LRRC4C: variants seen among roughly 807,000 people sequenced by gnomAD.
The protein encoded by LRRC4C is leucine rich repeat containing 4C.
Under a neutral mutation model 33.6 loss-of-function variants are expected in LRRC4C, and 5 were observed. That is an observed-to-expected ratio of 0.15 (90% CI 0.08 to 0.31). The LOEUF is 0.31. LRRC4C is among the 10% of genes least tolerant of loss of function. The pLI is 1.00. For synonymous variants in LRRC4C, 329 were observed against 302.0 expected (o/e 1.09, Z -0.93); for missense variants, 560 against 796.7 (o/e 0.70, Z 3.58).
intron 1 of LRRC4C, among the ~76,000 whole-genome samples, chr11:41,015,786 T>A (rs1481041611): frequency 6.6e-6 from 1 of 152,162 alleles, no homozygotes; most frequent in Non-Finnish European, 1.5e-5. Flanking sequence ...GCTCAGAAAC[T>A]TTCTTGTTTG....
intron 1 of LRRC4C, among the ~76,000 whole-genome samples, chr11:41,453,172 A>G (rs1271794634): frequency 3.9e-5 from 6 of 152,192 alleles, no homozygotes; most frequent in Non-Finnish European, 8.8e-5. Context: ...TTAGTGTTAC[A>G]GAGAAGACTT....
chr11:40,471,765 A>C (rs948353085), intron 3 of LRRC4C, among the ~76,000 whole-genome samples: 1 of 152,118 alleles, frequency 6.6e-6, no homozygotes, highest in African/African-American at 2.4e-5. Context: ...TAAGACAGAA[A>C]ATTAACAAGG....
chr11:40,913,443 G>C (rs1956789699), intron 2 of LRRC4C, among the ~76,000 whole-genome samples: 1 of 152,114 alleles, frequency 6.6e-6, no homozygotes. Context: ...ACTCCTGAAT[G>C]ACTACTGGGT....
intron 5 of LRRC4C, among the ~76,000 whole-genome samples, chr11:40,171,231 T>G (rs952315163): frequency 1.3e-5 from 2 of 152,228 alleles, no homozygotes; most frequent in Non-Finnish European, 2.9e-5. Context: ...CAATCAAACT[T>G]GGTAAGAAAC....
intron 5 of LRRC4C, among the ~76,000 whole-genome samples, chr11:40,186,357 A>T (rs1200215237): frequency 6.6e-6 from 1 of 152,116 alleles, no homozygotes; most frequent in African/African-American, 2.4e-5. Context: ...CCCAGCAAGG[A>T]TGCCAGGAAG....
At chr11:40,168,138 G>T (rs1277084629) in intron 5 of LRRC4C, among the ~76,000 whole-genome samples, 1 of 152,148 alleles carries the variant, frequency 6.6e-6, no homozygotes, top group Non-Finnish European at 1.5e-5. Context: ...ACCAAAGAGG[G>T]AACATAATTG....
intron 2 of LRRC4C, among the ~76,000 whole-genome samples, chr11:40,742,547 C>A (rs959283657): frequency 6.6e-6 from 1 of 151,850 alleles, no homozygotes; most frequent in Non-Finnish European, 1.5e-5. Flanking sequence ...AGATGGCATT[C>A]CTAATAGATT....
At chr11:40,211,561 T>G (rs2135829090) in intron 5 of LRRC4C, among the ~76,000 whole-genome samples, 1 of 152,280 alleles carries the variant, frequency 6.6e-6, no homozygotes, top group East Asian at 1.9e-4. Context: ...AATTTTAAAT[T>G]TGCTCATTGT....
chr11:40,170,989 G>T (rs900824253), intron 5 of LRRC4C, among the ~76,000 whole-genome samples: 7 of 152,262 alleles, frequency 4.6e-5, no homozygotes, highest in Admixed American at 4.6e-4. Flanking sequence ...GTAGATCAAG[G>T]CTCCCTTTAT....
At chr11:41,377,897 A>G (rs926899677) in intron 1 of LRRC4C, among the ~76,000 whole-genome samples, 2 of 152,190 alleles carry the variant, frequency 1.3e-5, no homozygotes, top group Non-Finnish European at 2.9e-5. Context: ...TAGAAAAGGC[A>G]AAGCTGGATG....
intron 3 of LRRC4C, among the ~76,000 whole-genome samples, chr11:40,432,475 G>A (rs910613128): frequency 2.6e-5 from 4 of 152,126 alleles, no homozygotes; most frequent in East Asian, 1.9e-4. Context: ...GGTTCTTAAC[G>A]TATTGCTAAA....
Position 41,059,210 on chromosome 11 carries a change from G to GTTTTTTTT in LRRC4C, c.-495-125495_-495-125488dup, listed in dbSNP as rs397935483. ...ATATACTCCTGATACTAAAATAAAA[G>GTTTTTTTT]TTTTTTTTTTTTTTTAAGAAAAAGA... is the stretch of plus-strand genomic sequence containing the variant. On this transcript the variant is annotated intron_variant, in intron 1 of 6. Coordinates refer to ENST00000528697, the MANE Select transcript of LRRC4C (RefSeq NM_001258419.2). 1.2e-3 allele frequency among the ~76,000 whole-genome samples: 145 copies of GTTTTTTTT among 124,992 alleles called. 3 individuals carry two copies. The highest frequency in any genetic ancestry group is 1.6e-3 in the Admixed American group (18 of 11,200). The allele number at this position is 124,992 out of a possible 152,430, so 82.0% of individuals were successfully genotyped here.
At chr11:40,167,649 G>A (rs1554962969) in intron 5 of LRRC4C, among the ~76,000 whole-genome samples, 1 of 152,040 alleles carries the variant, frequency 6.6e-6, no homozygotes, top group Non-Finnish European at 1.5e-5. Context: ...TAAATACAGG[G>A]GTGAGCAAAG....
intron 1 of LRRC4C, among the ~76,000 whole-genome samples, chr11:41,174,664 G>A (rs1945119698): frequency 6.6e-6 from 1 of 151,824 alleles, no homozygotes; most frequent in South Asian, 2.1e-4. Flanking sequence ...ACTGCATTTT[G>A]AACACACACA....
intron 1 of LRRC4C, among the ~76,000 whole-genome samples, chr11:40,955,141 T>C (rs1185954902): frequency 1.3e-5 from 2 of 151,808 alleles, no homozygotes; most frequent in Non-Finnish European, 2.9e-5. Flanking sequence ...TATCAATATA[T>C]GCTACGTCTA....
chr11:41,148,341 T>C (rs1361443955), intron 1 of LRRC4C, among the ~76,000 whole-genome samples: 1 of 152,042 alleles, frequency 6.6e-6, no homozygotes, highest in Non-Finnish European at 1.5e-5. Flanking sequence ...CAGTGAGCCA[T>C]GATCACAACA....
At chr11:40,885,799 G>A (rs1003814742) in intron 2 of LRRC4C, among the ~76,000 whole-genome samples, 1 of 151,898 alleles carries the variant, frequency 6.6e-6, no homozygotes, top group Non-Finnish European at 1.5e-5. Flanking sequence ...ATGTATTTTG[G>A]CCTCTACCCT....
At chr11:41,397,030 A>G (rs1472901809) in intron 1 of LRRC4C, among the ~76,000 whole-genome samples, 1 of 151,996 alleles carries the variant, frequency 6.6e-6, no homozygotes, top group Non-Finnish European at 1.5e-5. Context: ...TTTTTTAAAG[A>G]ACAAAGACAC....
chr11:41,203,299 A>AAT lies in LRRC4C; in HGVS notation c.-496+256130_-496+256131dup, dbSNP rs200155500. Among the ~76,000 whole-genome samples, 1,250 of 152,316 alleles carry AAT rather than the reference A, an allele frequency of 8.2e-3. 19 individuals are homozygous for AAT. Among genetic ancestry groups the AAT allele is most frequent in the African/African-American group, 0.028 (1,154 of 41,578 alleles). On this transcript the variant is annotated intron_variant, in intron 1 of 6. Coordinates refer to ENST00000528697, the MANE Select transcript of LRRC4C (RefSeq NM_001258419.2). ...TATAACAGAAATCTAGACCATACTG[A>AAT]ATATAAATCCTTTCATTTTCACAAT...
Sources: gnomAD v4.1 joint callset for allele counts (sites outside exome capture counted in the v4.1 genomes callset) on GRCh38, gnomAD v4.1.1 for gene constraint, MANE v1.5 for transcripts, NCBI Gene and HGNC (gene_info 2026-07-23, HGNC 2026-07-21) for gene names.